Variants in KLK9 observed in about 807,000 individuals in gnomAD.
KLK9 encodes kallikrein-9.
Under a neutral mutation model 23.3 loss-of-function variants are expected in KLK9, and 26 were observed. The ratio of observed to expected loss-of-function variants is 1.12; its 90% CI spans 0.82 to 1.55. The LOEUF is 1.55. Among genes scored for constraint, KLK9 ranks in the 40% most tolerant of loss-of-function variants. The pLI is 0.00. For synonymous variants in KLK9, 122 were observed against 128.5 expected, an observed-to-expected ratio of 0.95 and a Z score of 0.34; for missense variants, 346 against 333.7, an observed-to-expected ratio of 1.04 and a Z score of -0.29.
intron 3 of KLK9, among the ~76,000 whole-genome samples, chr19:51,005,519 C>T (rs575251653): frequency 1.2e-3 from 181 of 152,240 alleles, no homozygotes; most frequent in African/African-American, 4.2e-3. Context: ...AAAATTGGAA[C>T]AGTATGGATG....
At chr19:51,007,665 C>T (rs1404146605) in intron 2 of KLK9, among the ~76,000 whole-genome samples, 1 of 151,844 alleles carries the variant, frequency 6.6e-6, no homozygotes, top group African/African-American at 2.4e-5. Context: ...AAAGGAGGTT[C>T]CATCATGGAG....
Position 51,003,031 on chromosome 19 carries a change from G to C in KLK9, c.*80C>G. ...GAGGTCCAGGGCGGGAACCATTGAG[G>C]CTGGGACCCTACGAGAACCCCCTAC... On this transcript the variant is annotated 3_prime_UTR_variant, in exon 5 of 5. Coordinates refer to ENST00000594211, the MANE Select transcript of KLK9 (RefSeq NM_012315.2). 6.7e-7 allele frequency: 1 copy of C among 1,500,646 alleles called. No individual in the cohort carries two copies. The highest frequency in any genetic ancestry group is 9.0e-7 in the Non-Finnish European group (1 of 1,114,746). 93.0% of individuals were successfully genotyped at this position (1,500,646 alleles called of 1,614,324 possible).
At chr19:51,007,643 T>C (rs1002469539) in intron 2 of KLK9, among the ~76,000 whole-genome samples, 3 of 151,868 alleles carry the variant, frequency 2.0e-5, no homozygotes, top group Admixed American at 1.3e-4. Flanking sequence ...GTCTGATGTA[T>C]AGGCTTAAGT....
Position 51,006,292 on chromosome 19 carries a change from C to T in KLK9, c.466+166G>A, listed in dbSNP as rs537527492. Among the ~76,000 whole-genome samples the T allele has an allele frequency of 4.6e-5, 7 of 151,906 alleles. No individual in the cohort carries two copies. The highest frequency in any genetic ancestry group is 4.2e-4 in the South Asian group (2 of 4,818). ...CTTCGCAGTTCATGAAATAATGGCA[C>T]ATCTTAAAAATGCTAGCATCTTATA... On this transcript the variant is annotated intron_variant, in intron 3 of 4. Transcript: ENST00000594211. The surrounding 1 kb of genome is among the most constrained non-coding windows in gnomAD (Gnocchi z 4.1).
chr19:51,004,441 A>G (rs184020835), intron 3 of KLK9, among the ~76,000 whole-genome samples: 15 of 150,174 alleles, frequency 1.0e-4, no homozygotes, highest in African/African-American at 3.7e-4. Flanking sequence ...AGATGCATAT[A>G]TAACTCCCTA....
chr19:51,008,931 A>T (rs1156579068), intron 2 of KLK9, among the ~76,000 whole-genome samples: 6 of 152,152 alleles, frequency 3.9e-5, no homozygotes, highest in Non-Finnish European at 5.9e-5. Flanking sequence ...AGATTTTAGG[A>T]TTCTACGATT....
rs966257983 is a variant in KLK9 at position 51,007,084 on chromosome 19, TAAC to T, written c.201-364_201-362del. On this transcript the variant is annotated intron_variant, in intron 2 of 4. Coordinates refer to ENST00000594211, the MANE Select transcript of KLK9 (RefSeq NM_012315.2). Reference sequence around the variant, plus strand: ...GGCACGGGGGACCCCACCTACCACATAACAACCGCCCCACCCCTGCCCCCACAG... The same window carrying T: ...GGCACGGGGGACCCCACCTACCACATAACCGCCCCACCCCTGCCCCCACAG... Among the ~76,000 whole-genome samples the T allele has an allele frequency of 5.3e-5, 8 of 151,890 alleles. 1 individual carries two copies. The highest frequency in any genetic ancestry group is 2.1e-4 in the South Asian group (1 of 4,816).
Position 51,009,363 on chromosome 19 carries a change from G to T in KLK9, c.44-24C>A. The T allele has an allele frequency of 6.4e-7, 1 of 1,562,390 alleles. No individual in the cohort carries two copies. The highest frequency in any genetic ancestry group is 2.3e-5 in the East Asian group (1 of 44,054). On this transcript the variant is annotated intron_variant, in intron 1 of 4. Coordinates refer to ENST00000594211, the MANE Select transcript of KLK9 (RefSeq NM_012315.2). The surrounding 1 kb of genome is among the most constrained non-coding windows in gnomAD (Gnocchi z 4.8). Reference sequence around the variant, plus strand: ...CCCTGGGGTGGGGATGAGGGACAAAGGGGTCAGCGAAGAGCAGGCTGGGAG... The same window carrying T: ...CCCTGGGGTGGGGATGAGGGACAAATGGGTCAGCGAAGAGCAGGCTGGGAG...
Position 51,009,552 on chromosome 19 carries a change from C to T in KLK9, c.-5G>A, listed in dbSNP as rs1288898337. ...ACAGAGGAGTCCCAGCTTCATGACC[C>T]CTGGGCACCTGGATCCTGGAACGTG... On this transcript the variant is annotated 5_prime_UTR_variant, in exon 1 of 5. Coordinates refer to ENST00000594211, the MANE Select transcript of KLK9 (RefSeq NM_012315.2). This position sits in a 1 kb window ranked among gnomAD's most constrained non-coding sequence, Gnocchi z 4.8. 1.2e-6 allele frequency: 2 copies of T among 1,612,428 alleles called. No homozygotes were observed. The highest frequency in any genetic ancestry group is 1.7e-5 in the Admixed American group (1 of 59,846).
At chr19:51,003,882 A>G (rs1457211950) in intron 3 of KLK9, 42 bp from the exon 4 acceptor site, 1 of 1,594,534 alleles carries the variant, frequency 6.3e-7, no homozygotes, top group Non-Finnish European at 8.6e-7. Flanking sequence ...AACTGTCTCC[A>G]ACACACTCAG....
At position 51,006,597 on chromosome 19, in the gene KLK9, A is replaced by G; in HGVS notation, c.327T>C (p.Asn109=). 1.2e-6 allele frequency: 2 copies of G among 1,613,266 alleles called. No homozygotes were observed. Among genetic ancestry groups the G allele is most frequent in the Non-Finnish European group, 8.5e-7 (1 of 1,179,470 alleles). The change falls in exon 3 of 5, where the codon AAT becomes AAC. Residue 109 remains asparagine, a synonymous_variant. Transcript: ENST00000594211. The surrounding 1 kb of genome is among the most constrained non-coding windows in gnomAD (Gnocchi z 4.1). ...GCAGGCGGATCAGCATGATGTCATC[A>G]TTGTGGTCATTGGCGCTGAGGTCCT... ...FNKDLSANDH[N]DDIMLIRLPR...
chr19:51,004,812 A>G (rs2091249677), intron 3 of KLK9, among the ~76,000 whole-genome samples: 1 of 152,206 alleles, frequency 6.6e-6, no homozygotes, highest in African/African-American at 2.4e-5. Flanking sequence ...TGATGGAGAC[A>G]GAGACATAGA....
rs180924558 is a variant in KLK9, at chr19:51,002,838, C to G, written c.*273G>C. Reference sequence around the variant, plus strand: ...CCTTGGGGCGGAGCCACAGGCTGTGCTGTTCCAAGAAGGAGGTGATGGCTG... The same window carrying G: ...CCTTGGGGCGGAGCCACAGGCTGTGGTGTTCCAAGAAGGAGGTGATGGCTG... On this transcript the variant is annotated 3_prime_UTR_variant, in exon 5 of 5. Transcript: ENST00000594211. The G allele has an allele frequency of 6.9e-4, 266 of 387,290 alleles. 1 individual carries two copies. In the Middle Eastern group the frequency reaches 0.011, roughly 17 times the overall value. The allele number at this position is 387,290 out of a possible 1,614,324, so 24.0% of individuals were successfully genotyped here.
In KLK9 at chr19:51,006,971, C is replaced by T. The variant is rs557467705; in HGVS notation, c.201-248G>A. Reference sequence around the variant, plus strand: ...TCTTTGTAGCTCTCCCCACAAAGCCCCCGCTCCTAGTCCCAGGCTGAGTGA... The same window carrying T: ...TCTTTGTAGCTCTCCCCACAAAGCCTCCGCTCCTAGTCCCAGGCTGAGTGA... On this transcript the variant is annotated intron_variant, in intron 2 of 4. Transcript: ENST00000594211. This position sits in a 1 kb window ranked among gnomAD's most constrained non-coding sequence, Gnocchi z 4.1. Among the ~76,000 whole-genome samples, 34 of 151,934 alleles carry T rather than the reference C, an allele frequency of 2.2e-4. No homozygotes were observed. In the South Asian group the frequency reaches 7.1e-3, roughly 32 times the overall value.
chr19:51,005,609 G>A (rs2091252387), intron 3 of KLK9, among the ~76,000 whole-genome samples: 1 of 151,814 alleles, frequency 6.6e-6, no homozygotes, highest in African/African-American at 2.4e-5. Context: ...CAGAATCTAA[G>A]ATTCTAGAAT....
Position 51,006,387 on chromosome 19 carries a change from A to T in KLK9, c.466+71T>A. 1.5e-6 allele frequency: 2 copies of T among 1,374,922 alleles called. No individual in the cohort carries two copies. Among genetic ancestry groups the T allele is most frequent in the South Asian group, 1.4e-5 (1 of 69,022 alleles). The allele number at this position is 1,374,922 out of a possible 1,614,324, so 85.2% of individuals were successfully genotyped here. On this transcript the variant is annotated intron_variant, in intron 3 of 4. Coordinates refer to ENST00000594211, the MANE Select transcript of KLK9 (RefSeq NM_012315.2). The surrounding 1 kb of genome is among the most constrained non-coding windows in gnomAD (Gnocchi z 4.1). ...GAGAGAGGAGAGAGAAAAGGAGAAG[A>T]CAGAGATGAAAAGGCAGAGACAGAG...
At chr19:51,004,199 G>T (rs370047044) in intron 3 of KLK9, among the ~76,000 whole-genome samples, 2 of 151,520 alleles carry the variant, frequency 1.3e-5, no homozygotes, top group East Asian at 1.9e-4. Context: ...AATTAGCCAG[G>T]CATGGTGGCA....
chr19:51,008,597 A>T (rs2091264988), intron 2 of KLK9, among the ~76,000 whole-genome samples: 3 of 152,146 alleles, frequency 2.0e-5, no homozygotes, highest in Non-Finnish European at 1.5e-5. Context: ...TGGCTAGTCC[A>T]TTTTGTAACA....
chr19:51,005,932 AGAT>A, intron 3 of KLK9, among the ~76,000 whole-genome samples: 1 of 145,232 alleles, frequency 6.9e-6, no homozygotes, highest in African/African-American at 2.6e-5. Flanking sequence ...ACAAAAAAAA[AGAT>A]AATAATAATA....
Sources: allele counts gnomAD v4.1 joint callset (sites outside exome capture counted in the v4.1 genomes callset), GRCh38; gene constraint gnomAD v4.1.1; non-coding constraint Gnocchi (gnomAD v3.1); transcripts MANE v1.5; gene names NCBI Gene and HGNC (gene_info 2026-07-23, HGNC 2026-07-21).